The following C12orf56 variants were observed in gnomAD, a reference collection of about 807,000 sequenced individuals.
C12orf56 encodes chromosome 12 open reading frame 56, also known as uncharacterized protein C12orf56.
C12orf56 carries 71 observed loss-of-function variants against 69.9 expected under a neutral mutation model. The ratio of observed to expected loss-of-function variants is 1.02; its 90% CI spans 0.84 to 1.24. The LOEUF (loss-of-function observed/expected upper bound fraction) is 1.24. Ranked by LOEUF, C12orf56 falls within the 50% of genes most tolerant of loss-of-function variation. The pLI is 0.00. For synonymous variants in C12orf56, 276 were observed against 274.1 expected, an observed-to-expected ratio of 1.01 and a Z score of -0.07; for missense variants, 732 against 738.5, an observed-to-expected ratio of 0.99 and a Z score of 0.10.
chr12:64,387,657 C>T (rs1184097573), intron 1 of C12orf56, among the ~76,000 whole-genome samples: 5 of 151,688 alleles, frequency 3.3e-5, no homozygotes, highest in Admixed American at 3.3e-4. Flanking sequence ...ACAAAAAATA[C>T]GAAAACTAGC....
intron 1 of C12orf56, among the ~76,000 whole-genome samples, chr12:64,358,318 C>G (rs541178966): frequency 6.6e-6 from 1 of 151,192 alleles, no homozygotes; most frequent in Non-Finnish European, 1.5e-5. Context: ...ATTAGCCAGG[C>G]GTGATGGCAT....
chr12:64,350,679 C>A (rs2039210800), intron 2 of C12orf56, among the ~76,000 whole-genome samples: 2 of 152,198 alleles, frequency 1.3e-5, no homozygotes, highest in Non-Finnish European at 2.9e-5. Flanking sequence ...GGAGTTTACT[C>A]AACTTACAGG....
At chr12:64,333,902 C>G (rs1463492091) in intron 2 of C12orf56, among the ~76,000 whole-genome samples, 2 of 152,200 alleles carry the variant, frequency 1.3e-5, no homozygotes, top group African/African-American at 4.8e-5. Flanking sequence ...TGTTTCTGCA[C>G]TTGGTGGAAA....
chr12:64,357,773 T>G (rs1326111359), intron 1 of C12orf56, among the ~76,000 whole-genome samples: 1 of 151,986 alleles, frequency 6.6e-6, no homozygotes, highest in African/African-American at 2.4e-5. Context: ...TAGTGGCAAG[T>G]GCCTGTAATC....
chr12:64,284,854 C>T (rs1291118727), intron 7 of C12orf56, 101 bp from the exon 8 acceptor site: 3 of 801,542 alleles, frequency 3.7e-6, no homozygotes, highest in Non-Finnish European at 5.8e-6. Context: ...TTCCAGATAT[C>T]CATACAGAAA....
At chr12:64,317,014 A>G (rs1298063690) in intron 4 of C12orf56, among the ~76,000 whole-genome samples, 2 of 152,226 alleles carry the variant, frequency 1.3e-5, no homozygotes, top group Admixed American at 1.3e-4. Flanking sequence ...AAGTATTCAC[A>G]TAGATTTTTT....
At chr12:64,352,118 T>TTTGTTTTG (rs747145927) in intron 2 of C12orf56, among the ~76,000 whole-genome samples, 1 of 40,628 alleles carries the variant, frequency 2.5e-5, no homozygotes, top group South Asian at 9.8e-4. Flanking sequence ...TTTTTTTTGT[T>TTTGTTTTG]TTTTTTTTTA....
chr12:64,369,718 C>T (rs1049957758), intron 1 of C12orf56, among the ~76,000 whole-genome samples: 3 of 151,722 alleles, frequency 2.0e-5, no homozygotes, highest in African/African-American at 7.3e-5. Context: ...CATGGTGGCT[C>T]ACGCCTGTAA....
At chr12:64,387,077 C>CAACAAAAA (rs1201123599) in intron 1 of C12orf56, among the ~76,000 whole-genome samples, 1 of 42,084 alleles carries the variant, frequency 2.4e-5, no homozygotes, top group African/African-American at 1.1e-4. Context: ...GACTCTATCT[C>CAACAAAAA]AAAAAAAAAA....
At chr12:64,287,261 A>G (rs4539425) in intron 6 of C12orf56, among the ~76,000 whole-genome samples, 40,307 of 68,252 alleles carry the variant, frequency 0.59, 10,286 homozygotes, top group Middle Eastern at 0.67. Flanking sequence ...AAAAAAAAAA[A>G]AAGAAGAAGA....
Position 64,287,243 on chromosome 12 carries a change from CAAA to C in C12orf56, c.1114-1186_1114-1184del, listed in dbSNP as rs534894017. Among the ~76,000 whole-genome samples, 1,571 of 98,664 alleles carry C rather than the reference CAAA, an allele frequency of 0.016. 170 individuals carry two copies. The East Asian group carries it at 0.34, about 21-fold the overall frequency. 64.7% of individuals were successfully genotyped at this position (98,664 alleles called of 152,430 possible). A position where few individuals can be genotyped will look rare whatever the true frequency, so the allele number is the denominator to read the frequency against. ...TGGGCAAGAGTGAGTGAGACTCCAT[CAAA>C]AAAAAAAAAAAAAAAAAGAAGAAGA... On this transcript the variant is annotated intron_variant, in intron 6 of 12. Transcript: ENST00000543942.
intron 12 of C12orf56, among the ~76,000 whole-genome samples, chr12:64,270,320 A>G (rs1865790): frequency 0.7 from 106,933 of 151,942 alleles, 38,798 homozygotes; most frequent in Non-Finnish European, 0.8. Flanking sequence ...AGAATTGCTC[A>G]AATCTGGGAG....
intron 1 of C12orf56, among the ~76,000 whole-genome samples, chr12:64,388,581 TA>T (rs981821572): frequency 2.0e-5 from 3 of 151,990 alleles, no homozygotes; most frequent in South Asian, 2.1e-4. Context: ...AAATTTAAAT[TA>T]AAAAAAAATT....
intron 6 of C12orf56, among the ~76,000 whole-genome samples, chr12:64,301,273 C>G (rs1029814657): frequency 1.3e-5 from 2 of 152,086 alleles, no homozygotes; most frequent in African/African-American, 4.8e-5. Flanking sequence ...TAACAAAAAC[C>G]CACCAAGAGT....
At position 64,379,206 on chromosome 12, in the gene C12orf56, A is replaced by G. The variant is rs116825750; in HGVS notation, c.252+11108T>C. ...TTAATCTGACCAATACACTGTCCTT[A>G]CAATCACTGGGAATATAGTAGTGAA... On this transcript the variant is annotated intron_variant, in intron 1 of 12. Coordinates refer to ENST00000543942, the MANE Select transcript of C12orf56 (RefSeq NM_001170633.2). Among the ~76,000 whole-genome samples, 1,250 of 152,286 alleles carry G rather than the reference A, an allele frequency of 8.2e-3. 15 individuals are homozygous for G. The highest frequency in any genetic ancestry group is 0.028 in the African/African-American group (1,163 of 41,554).
chr12:64,344,019 ATTACCT>A (rs2039109299), intron 2 of C12orf56, among the ~76,000 whole-genome samples: 1 of 152,142 alleles, frequency 6.6e-6, no homozygotes, highest in African/African-American at 2.4e-5. Context: ...AACTCCATTA[ATTACCT>A]GACCTCCATA....
intron 1 of C12orf56, among the ~76,000 whole-genome samples, chr12:64,364,006 T>TC (rs2135963486): frequency 6.6e-6 from 1 of 151,974 alleles, no homozygotes; most frequent in African/African-American, 2.4e-5. Context: ...TTTCTTTCTT[T>TC]TTTTTTTTTT....
At chr12:64,269,482 C>T (rs1451911188) in intron 12 of C12orf56, among the ~76,000 whole-genome samples, 3 of 152,196 alleles carry the variant, frequency 2.0e-5, no homozygotes, top group Non-Finnish European at 4.4e-5. Flanking sequence ...AACAAAACCC[C>T]TGATAACCAT....
chr12:64,334,013 G>A (rs1745859130), intron 2 of C12orf56, among the ~76,000 whole-genome samples: 1 of 152,144 alleles, frequency 6.6e-6, no homozygotes, highest in South Asian at 2.1e-4. Context: ...ATTCTCTAGT[G>A]TGCATGTAGC....
Sources: gnomAD v4.1 joint callset for allele counts (sites outside exome capture counted in the v4.1 genomes callset) on GRCh38, gnomAD v4.1.1 for gene constraint, MANE v1.5 for transcripts, NCBI Gene and HGNC (gene_info 2026-07-23, HGNC 2026-07-21) for gene names.